The following DNMBP variants were observed in gnomAD, a reference collection of about 807,000 sequenced individuals.
DNMBP encodes dynamin-binding protein.
Under a neutral mutation model 150.0 loss-of-function variants are expected in DNMBP, and 87 were observed. The observed-to-expected ratio is 0.58, with a 90% CI of 0.49 to 0.69. DNMBP has a LOEUF of 0.69. DNMBP is among the 30% of genes least tolerant of loss of function. The pLI, the probability that DNMBP is intolerant of heterozygous loss-of-function variation, is 0.00. For missense variants in DNMBP, 1,774 were observed against 1,949.0 expected (o/e 0.91, Z 1.69); for synonymous variants, 711 against 750.4 (o/e 0.95, Z 0.86).
At position 99,883,941 on chromosome 10, in the gene DNMBP, A is replaced by G. The variant is rs940744450; in HGVS notation, c.3997+70T>C. The G allele has an allele frequency of 2.0e-6, 3 of 1,465,006 alleles. No homozygotes were observed. In the African/African-American group the frequency reaches 4.3e-5, roughly 21 times the overall value. The allele number at this position is 1,465,006 out of a possible 1,614,324, so 90.8% of individuals were successfully genotyped here. A position where few individuals can be genotyped will look rare whatever the true frequency, so the allele number is the denominator to read the frequency against. ...TTGCTTTTTTTTCCTGGCCTAGTCC[A>G]GATTCGGGTGCAGCCAAAACTACTA... On this transcript the variant is annotated intron_variant, in intron 15 of 16. Coordinates refer to ENST00000324109, the MANE Select transcript of DNMBP (RefSeq NM_015221.4).
chr10:99,931,446 C>G (rs1327291364), intron 4 of DNMBP, among the ~76,000 whole-genome samples: 1 of 152,200 alleles, frequency 6.6e-6, no homozygotes, highest in African/African-American at 2.4e-5. Flanking sequence ...AGTCATACGA[C>G]TGAAGGAAGA....
chr10:99,908,427 T>C (rs1295187808), intron 5 of DNMBP, among the ~76,000 whole-genome samples: 1 of 152,212 alleles, frequency 6.6e-6, no homozygotes, highest in East Asian at 1.9e-4. Context: ...TGGGAGTGAA[T>C]GCTCCAAGGG....
chr10:99,888,082 C>T (rs572408696), intron 12 of DNMBP, among the ~76,000 whole-genome samples: 1 of 152,174 alleles, frequency 6.6e-6, no homozygotes, highest in South Asian at 2.1e-4. Flanking sequence ...CTCGGCCTCC[C>T]AAAATGCTGG....
At chr10:99,935,354 T>C (rs1201633027) in intron 4 of DNMBP, among the ~76,000 whole-genome samples, 1 of 152,090 alleles carries the variant, frequency 6.6e-6, no homozygotes, top group Non-Finnish European at 1.5e-5. Context: ...TACTTGGGAA[T>C]ATAAGACAGA....
At chr10:99,911,843 A>C (rs1300153874) in intron 4 of DNMBP, among the ~76,000 whole-genome samples, 3 of 152,226 alleles carry the variant, frequency 2.0e-5, no homozygotes, top group Non-Finnish European at 4.4e-5. Flanking sequence ...TGTTACATAT[A>C]AAATTTATTT....
At chr10:99,914,010 G>C in intron 4 of DNMBP, 3 of 1,509,250 alleles carry the variant, frequency 2.0e-6, no homozygotes, top group Non-Finnish European at 2.7e-6. Flanking sequence ...AAGCAGGCGG[G>C]ACAGAATCTT....
chr10:100,001,517 T>C (rs2041013020), intron 1 of DNMBP, among the ~76,000 whole-genome samples: 1 of 142,574 alleles, frequency 7.0e-6, no homozygotes. Context: ...GTTCAAGCAA[T>C]TCTCCCACCT....
chr10:99,941,074 G>A (rs999895713), intron 4 of DNMBP, among the ~76,000 whole-genome samples: 3 of 152,000 alleles, frequency 2.0e-5, no homozygotes, highest in South Asian at 2.1e-4. Flanking sequence ...TAGTAGTGAC[G>A]GGGTTTCACC....
chr10:99,964,137 T>C (rs2490839), intron 3 of DNMBP, among the ~76,000 whole-genome samples: 228 of 117,640 alleles, frequency 1.9e-3, no homozygotes, highest in African/African-American at 7.3e-3. Flanking sequence ...TTCTCTCTCT[T>C]TTTTTTTTTT....
At chr10:99,984,149 A>T (rs1466154871) in intron 1 of DNMBP, among the ~76,000 whole-genome samples, 1 of 152,054 alleles carries the variant, frequency 6.6e-6, no homozygotes, top group Non-Finnish European at 1.5e-5. Flanking sequence ...ATATCTCCAC[A>T]TCAGTTTTGT....
chr10:99,968,993 G>A (rs544660990), intron 3 of DNMBP, 122 bp downstream of exon 3: 2 of 1,069,166 alleles, frequency 1.9e-6, no homozygotes, highest in African/African-American at 3.2e-5. Flanking sequence ...ACGCTATTTG[G>A]TATTGCCGAG....
intron 4 of DNMBP, among the ~76,000 whole-genome samples, chr10:99,915,331 T>G: frequency 6.6e-6 from 1 of 150,756 alleles, no homozygotes; most frequent in Non-Finnish European, 1.5e-5. Context: ...GACCTAGGAT[T>G]TGGGGGAGAA....
At chr10:99,954,944 T>C (rs12257454) in intron 4 of DNMBP, among the ~76,000 whole-genome samples, 6,680 of 151,058 alleles carry the variant, frequency 0.044, 161 homozygotes, top group South Asian at 0.083. Flanking sequence ...TCCCAGCCAT[T>C]TGGGAGGCTG....
intron 4 of DNMBP, among the ~76,000 whole-genome samples, chr10:99,950,122 T>G (rs893223676): frequency 6.6e-6 from 1 of 152,172 alleles, no homozygotes; most frequent in Non-Finnish European, 1.5e-5. Flanking sequence ...TGTGCTGTTC[T>G]CGTGACTGAA....
rs34344466 is a variant in DNMBP, at chr10:99,921,864, G to GAAA, written c.2261-12721_2261-12719dup. ...TGGGCAACAGAGTGAGATTCCATCT[G>GAAA]AAAAAAAAAAAAAAAAAAAAAAAAA... On this transcript the variant is annotated intron_variant, in intron 4 of 16. Coordinates refer to ENST00000324109, the MANE Select transcript of DNMBP (RefSeq NM_015221.4). 2.6e-3 allele frequency among the ~76,000 whole-genome samples: 61 copies of GAAA among 23,752 alleles called. 18 individuals carry two copies. Among genetic ancestry groups the GAAA allele is most frequent in the African/African-American group, 8.6e-3 (47 of 5,492 alleles). The allele number at this position is 23,752 out of a possible 152,430, so 15.6% of individuals were successfully genotyped here. A position where few individuals can be genotyped will look rare whatever the true frequency, so the allele number is the denominator to read the frequency against.
intron 4 of DNMBP, among the ~76,000 whole-genome samples, chr10:99,954,014 TATGTGTCTCC>T (rs1202883718): frequency 2.0e-5 from 3 of 151,812 alleles, no homozygotes; most frequent in Non-Finnish European, 4.4e-5. Context: ...CCCAGAGGTA[TATGTGTCTCC>T]GAGGTATGAG....
At chr10:99,908,811 C>T in intron 5 of DNMBP, 142 bp downstream of exon 5, 2 of 746,608 alleles carry the variant, frequency 2.7e-6, no homozygotes, top group Non-Finnish European at 4.3e-6. Context: ...ATGTTGAGGC[C>T]CTTGATTAAG....
rs201587745 is a variant in DNMBP at position 99,957,045 on chromosome 10, C to T, written c.429G>A (p.Pro143=). Residue 143 remains proline (P), a synonymous_variant, in exon 4 of 17, where the codon CCG becomes CCA. Transcript: ENST00000324109. ...CCCGGGCTTGTCCCATGGAATATTCCGGAATCTGAAACAGGGCGCTCTGGG... is the reference window on the plus strand; with the variant it reads ...CCCGGGCTTGTCCCATGGAATATTCTGGAATCTGAAACAGGGCGCTCTGGG... The part of the protein sequence containing the change: ...WHSQSALFQI[P]EYSMGQARAL... 480 of 1,614,178 alleles carry T rather than the reference C, an allele frequency of 3.0e-4. 1 individual carries two copies. Among genetic ancestry groups the T allele is most frequent in the Non-Finnish European group, 8.1e-5 (95 of 1,180,048 alleles).
chr10:99,972,280 T>C, intron 1 of DNMBP, 146 bp from the exon 2 acceptor site: 1 of 771,806 alleles, frequency 1.3e-6, no homozygotes, highest in East Asian at 2.9e-5. Flanking sequence ...CTTCCTATTT[T>C]ATTTTTGAGA....
Sources: gnomAD v4.1 joint callset for allele counts (sites outside exome capture counted in the v4.1 genomes callset) on GRCh38, gnomAD v4.1.1 for gene constraint, MANE v1.5 for transcripts, NCBI Gene and HGNC (gene_info 2026-07-23, HGNC 2026-07-21) for gene names.